The following SLC28A1 variants were observed in gnomAD, a reference collection of about 807,000 sequenced individuals.
SLC28A1 encodes solute carrier family 28 member 1, also known as sodium/nucleoside cotransporter 1.
A neutral mutation model predicts 74.8 loss-of-function variants in SLC28A1; 64 were observed. The ratio of observed to expected loss-of-function variants is 0.86; its 90% confidence interval spans 0.70 to 1.05. The LOEUF is 1.05. Ranked by LOEUF, SLC28A1 falls within the 50% of genes least tolerant of loss-of-function variation. The probability of loss-of-function intolerance (pLI) is 0.00; values close to 1 mark genes in which losing one functional copy is unlikely to be tolerated. For synonymous variants in SLC28A1, 359 were observed against 335.0 expected, an observed-to-expected ratio of 1.07 and a Z score of -0.78; for missense variants, 828 against 822.8, an observed-to-expected ratio of 1.01 and a Z score of -0.08.
At chr15:84,915,412 G>C (rs1174418363) in intron 9 of SLC28A1, among the ~76,000 whole-genome samples, 1 of 152,214 alleles carries the variant, frequency 6.6e-6, no homozygotes, top group African/African-American at 2.4e-5. Flanking sequence ...CTTTGAACTA[G>C]AGCCTAAATT....
rs766164110 is a variant in SLC28A1 at position 84,908,782 on chromosome 15, T to A, written c.782T>A (p.Val261Asp). The A allele has an allele frequency of 6.2e-7, 1 of 1,613,734 alleles. No individual in the cohort carries two copies. The highest frequency in any genetic ancestry group is 8.5e-7 in the Non-Finnish European group (1 of 1,179,910). The change falls in exon 9 of 19, where the codon GTC becomes GAC. Residue 261 changes from valine (V) to aspartate (D), a missense_variant. Physicochemically the swap from Val to Asp is radical, Grantham distance 152. Transcript: ENST00000394573. ...TTTGGGGAGGCGCTGGTCAAGGATGTCTTTGCCTTTCAGGTCAGCTTGACT... is the reference window on the plus strand; with the variant it reads ...TTTGGGGAGGCGCTGGTCAAGGATGACTTTGCCTTTCAGGTCAGCTTGACT... ...FVFGEALVKD[V>D]FAFQVLPIIV...
chr15:84,956,368 A>G, the SLC28A1 span, among the ~76,000 whole-genome samples: 2 of 152,162 alleles, frequency 1.3e-5, no homozygotes, highest in East Asian at 3.9e-4. Flanking sequence ...GGAGCATATT[A>G]TCATTACATT....
intron 11 of SLC28A1, among the ~76,000 whole-genome samples, chr15:84,921,968 C>T (rs1054279948): frequency 6.6e-6 from 1 of 152,108 alleles, no homozygotes; most frequent in Admixed American, 6.5e-5. Flanking sequence ...TGACATTGGG[C>T]GATGTGAAGC....
chr15:84,956,083 C>A, the SLC28A1 span, among the ~76,000 whole-genome samples: 1,981 of 152,340 alleles, frequency 0.013, 38 homozygotes, highest in African/African-American at 0.037. Flanking sequence ...CCTGACTTCT[C>A]CCCTTCAAAC....
In SLC28A1 at chr15:84,919,769, A is replaced by T. The variant is rs145070030; in HGVS notation, c.876+1165A>T. Among the ~76,000 whole-genome samples the T allele has an allele frequency of 1.6e-3, 243 of 152,366 alleles. 1 individual carries two copies. The highest frequency in any genetic ancestry group is 3.4e-3 in the Middle Eastern group (1 of 294). On this transcript the variant is annotated intron_variant, in intron 10 of 18. Transcript: ENST00000394573. ...CAAGGTCATGCCTCTCAACATCGTT[A>T]CAATGGCAATCAAATATATATATAT...
chr15:84,916,409 TA>T (rs945799817), intron 9 of SLC28A1, among the ~76,000 whole-genome samples: 26 of 150,954 alleles, frequency 1.7e-4, no homozygotes, highest in African/African-American at 4.9e-4. Flanking sequence ...ACATAGCTGT[TA>T]AAAAAAAATT....
rs149866107 is a variant in SLC28A1, at chr15:84,887,139, T to C, written c.-17+352T>C. On this transcript the variant is annotated intron_variant, in intron 2 of 18. Transcript: ENST00000394573. ...GGATCCAGGAACTGGAATGATGCCTTTAAGGATGTTGCACCTCCATCTTTC... is the reference window on the plus strand; with the variant it reads ...GGATCCAGGAACTGGAATGATGCCTCTAAGGATGTTGCACCTCCATCTTTC... Among the ~76,000 whole-genome samples, 1,296 of 152,286 alleles carry C rather than the reference T, an allele frequency of 8.5e-3. 12 individuals are homozygous for C. The highest frequency in any genetic ancestry group is 0.027 in the Middle Eastern group (8 of 294).
At chr15:84,915,064 C>A (rs1257211817) in intron 9 of SLC28A1, among the ~76,000 whole-genome samples, 1 of 152,190 alleles carries the variant, frequency 6.6e-6, no homozygotes, top group African/African-American at 2.4e-5. Flanking sequence ...CCTGCAGTCC[C>A]TCTCAGGATC....
rs370144023 is a variant in SLC28A1 at position 84,926,128 on chromosome 15, T to C, written c.1083+2018T>C. Among the ~76,000 whole-genome samples the C allele has an allele frequency of 3.4e-5, 5 of 149,150 alleles. No homozygotes were observed. The East Asian group carries it at 7.7e-4, about 23-fold the overall frequency. The stretch of plus-strand genomic sequence containing the variant: ...TAATTTTTTTATTTATATAATAAAA[T>C]ATTGTATTTTATTATATAGAGCAAT... On this transcript the variant is annotated intron_variant, in intron 12 of 18. Coordinates refer to ENST00000394573, the MANE Select transcript of SLC28A1 (RefSeq NM_004213.5).
intron 15 of SLC28A1, among the ~76,000 whole-genome samples, chr15:84,937,974 A>G (rs1209258561): frequency 6.6e-6 from 1 of 151,732 alleles, no homozygotes; most frequent in African/African-American, 2.4e-5. Flanking sequence ...CAGAGACTGG[A>G]GGATCACCTG....
intron 15 of SLC28A1, among the ~76,000 whole-genome samples, chr15:84,937,174 T>G (rs1204621797): frequency 6.6e-6 from 1 of 152,034 alleles, no homozygotes; most frequent in Non-Finnish European, 1.5e-5. Context: ...AACATAAGCA[T>G]CATTTTGTAT....
Position 84,924,053 on chromosome 15 carries a change from G to A in SLC28A1, c.1026G>A (p.Met342Ile). ...DMTLSEVHVV[M>I]TGGYATIAGS... ...CACTCTCTGAAGTCCACGTTGTCATGACCGGAGGTTACGCCACCATTGCTG... is the reference window on the plus strand; with the variant it reads ...CACTCTCTGAAGTCCACGTTGTCATAACCGGAGGTTACGCCACCATTGCTG... The change falls in exon 12 of 19, where the codon ATG (methionine) becomes ATA (isoleucine). Residue 342 changes from methionine to isoleucine, a missense_variant. This residue lies in a region of SLC28A1 where 767 missense variants were observed against 753.5 expected (regional missense o/e 1.02). Coordinates refer to ENST00000394573, the MANE Select transcript of SLC28A1 (RefSeq NM_004213.5). 1 of 1,613,964 alleles carries A rather than the reference G, an allele frequency of 6.2e-7. No homozygotes were observed. The highest frequency in any genetic ancestry group is 8.5e-7 in the Non-Finnish European group (1 of 1,180,000).
chr15:84,965,541 T>G, the SLC28A1 span, among the ~76,000 whole-genome samples: 1 of 152,178 alleles, frequency 6.6e-6, no homozygotes, highest in Non-Finnish European at 1.5e-5. Flanking sequence ...CAGAATAAAA[T>G]CAACATGTCC....
In SLC28A1 at chr15:84,918,518, C is replaced by T. The variant is rs140424338; in HGVS notation, c.796-6C>T. The T allele has an allele frequency of 1.1e-3, 1,739 of 1,612,778 alleles. 17 individuals carry two copies. The East Asian group carries it at 0.016, about 15-fold the overall frequency. ...ACCTGCGGTCCTATGATCTCCTTCC[C>T]GGCAGGTTCTGCCCATCATTGTCTT... On this transcript the variant is annotated splice_polypyrimidine_tract_variant and splice_region_variant and intron_variant, in intron 9 of 18. Coordinates refer to ENST00000394573, the MANE Select transcript of SLC28A1 (RefSeq NM_004213.5).
At position 84,945,130 on chromosome 15, in the gene SLC28A1, A is replaced by G. The variant is rs72547519; in HGVS notation, c.1880A>G (p.Asn627Ser). ...GATCTTTGCTTTCTTTTTAGCGTCA[A>G]TCCAGAGTTCAGCCCAGAGGCCCTG... ...QCCREAFQSV[N>S]PEFSPEALDN... The change falls in exon 19 of 19, where the codon AAT becomes AGT. Residue 627 changes from asparagine to serine, a missense_variant. Physicochemically the swap from Asn to Ser is conservative, Grantham distance 46. Around this residue, in one of 3 missense-constraint regions of SLC28A1, gnomAD observed 53 missense variants for 44.5 expected, o/e 1.19. Coordinates refer to ENST00000394573, the MANE Select transcript of SLC28A1 (RefSeq NM_004213.5). The G allele has an allele frequency of 4.4e-4, 708 of 1,614,030 alleles. No homozygotes were observed. Among genetic ancestry groups the G allele is most frequent in the African/African-American group, 3.0e-3 (222 of 74,980 alleles).
chr15:84,900,186 A>G (rs1966508981), intron 6 of SLC28A1, among the ~76,000 whole-genome samples: 1 of 151,756 alleles, frequency 6.6e-6, no homozygotes. Context: ...TTAGCCAGGC[A>G]TGGTGGCATG....
chr15:84,967,807 G>A, the SLC28A1 span, among the ~76,000 whole-genome samples: 1 of 152,150 alleles, frequency 6.6e-6, no homozygotes, highest in African/African-American at 2.4e-5. Flanking sequence ...GGCTTCAGGT[G>A]CACCTGTGCA....
At chr15:84,961,498 A>C in the SLC28A1 span, 1 of 453,446 alleles carries the variant, frequency 2.2e-6, no homozygotes, top group Non-Finnish European at 4.4e-6. Context: ...CACCTGGCTA[A>C]TATTTTATTT....
intron 8 of SLC28A1, among the ~76,000 whole-genome samples, chr15:84,908,514 AG>A (rs1967608455): frequency 1.3e-5 from 2 of 151,960 alleles, no homozygotes; most frequent in South Asian, 4.2e-4. Context: ...TTGACCAAAA[AG>A]GTGTCTCTTT....
Sources: gnomAD v4.1 joint callset for allele counts (sites outside exome capture counted in the v4.1 genomes callset) on GRCh38, gnomAD v4.1.1 for gene constraint, gnomAD v4.1.1 regional missense constraint, MANE v1.5 for transcripts, NCBI Gene and HGNC (gene_info 2026-07-23, HGNC 2026-07-21) for gene names.